The following GRM8 variants were observed in gnomAD, a reference collection of about 807,000 sequenced individuals.
GRM8 encodes glutamate metabotropic receptor 8.
A neutral mutation model predicts 87.2 loss-of-function variants in GRM8; 47 were observed. The observed-to-expected ratio is 0.54, with a 90% CI of 0.43 to 0.69. The LOEUF (loss-of-function observed/expected upper bound fraction) is 0.69, where lower values mean the gene tolerates loss of function less well. GRM8 is among the 30% of genes least tolerant of loss of function. GRM8 has a pLI of 0.00. For missense variants in GRM8, 1,019 were observed against 1,139.2 expected (o/e 0.89, Z 1.52); for synonymous variants, 396 against 404.5 (o/e 0.98, Z 0.25).
At chr7:126,970,642 T>C (rs1231393734) in intron 3 of GRM8, among the ~76,000 whole-genome samples, 1 of 152,204 alleles carries the variant, frequency 6.6e-6, no homozygotes, top group Non-Finnish European at 1.5e-5. Context: ...ATGTGTTCAC[T>C]GGAGTAGCAT....
intron 3 of GRM8, among the ~76,000 whole-genome samples, chr7:127,053,798 A>AGGC (rs1554580045): frequency 9.6e-6 from 1 of 104,400 alleles, no homozygotes; most frequent in Non-Finnish European, 1.8e-5. Flanking sequence ...AAAAAAAAAA[A>AGGC]GGGGGGGGGG....
intron 8 of GRM8, among the ~76,000 whole-genome samples, chr7:126,596,576 G>A (rs545819176): frequency 6.6e-6 from 1 of 152,278 alleles, no homozygotes; most frequent in East Asian, 1.9e-4. Context: ...ATTGGGGAGT[G>A]AGGCATATGG....
intron 2 of GRM8, among the ~76,000 whole-genome samples, chr7:127,196,538 A>C (rs1027191161): frequency 8.6e-5 from 13 of 151,560 alleles, no homozygotes; most frequent in African/African-American, 1.9e-4. Flanking sequence ...AACAAACAAA[A>C]AAAAAAACAA....
chr7:126,531,609 C>A (rs1327913678), intron 9 of GRM8, among the ~76,000 whole-genome samples: 1 of 152,210 alleles, frequency 6.6e-6, no homozygotes, highest in Non-Finnish European at 1.5e-5. Context: ...GGGGCCTCTA[C>A]AACTCTGCAA....
In GRM8 at chr7:126,904,545, C is replaced by T. The variant is rs780268043; in HGVS notation, c.863+3G>A. The T allele has an allele frequency of 6.2e-6, 10 of 1,612,664 alleles. No homozygotes were observed. The highest frequency in any genetic ancestry group is 1.7e-5 in the Admixed American group (1 of 59,988). On this transcript the variant is annotated splice_donor_region_variant and intron_variant, in intron 4 of 10. Coordinates refer to ENST00000339582, the MANE Select transcript of GRM8 (RefSeq NM_000845.3). ...CTACATACAGAAGAAAAGTAATCAG[C>T]ACCTGATGTCATCCTCATTGGCAAA...
chr7:127,152,384 A>G (rs1268542371), intron 2 of GRM8, among the ~76,000 whole-genome samples: 1 of 152,162 alleles, frequency 6.6e-6, no homozygotes, highest in Non-Finnish European at 1.5e-5. Context: ...AAAAGTGGCA[A>G]GACAGGGCAG....
intron 7 of GRM8, among the ~76,000 whole-genome samples, chr7:126,638,913 C>A (rs1447844038): frequency 6.6e-6 from 1 of 152,146 alleles, no homozygotes. Flanking sequence ...CTTCTGGGCA[C>A]CCCACTGCCA....
At chr7:127,045,095 A>G (rs1281418037) in intron 3 of GRM8, among the ~76,000 whole-genome samples, 1 of 152,154 alleles carries the variant, frequency 6.6e-6, no homozygotes, top group South Asian at 2.1e-4. Flanking sequence ...TATAAATATT[A>G]TAGAGTATTA....
At chr7:126,938,048 G>T (rs1299471406) in intron 3 of GRM8, among the ~76,000 whole-genome samples, 2 of 152,144 alleles carry the variant, frequency 1.3e-5, no homozygotes, top group Non-Finnish European at 2.9e-5. Flanking sequence ...CTCAGTAAGA[G>T]CCTACATTTC....
intron 2 of GRM8, among the ~76,000 whole-genome samples, chr7:127,110,142 T>A (rs1362520314): frequency 6.6e-6 from 1 of 152,192 alleles, no homozygotes; most frequent in East Asian, 1.9e-4. Flanking sequence ...CCCTGTAAGG[T>A]CTCCCCACTG....
At chr7:127,241,610 TC>T (rs1262943738) in intron 2 of GRM8, among the ~76,000 whole-genome samples, 3 of 151,986 alleles carry the variant, frequency 2.0e-5, no homozygotes, top group South Asian at 4.1e-4. Context: ...ATTTTTTGTA[TC>T]TTTTTAGTAG....
intron 8 of GRM8, among the ~76,000 whole-genome samples, chr7:126,551,544 C>T (rs542344942): frequency 6.6e-6 from 1 of 152,240 alleles, no homozygotes; most frequent in Non-Finnish European, 1.5e-5. Flanking sequence ...GCTGACCAAG[C>T]GCTGTGAGAT....
In GRM8 at chr7:126,687,096, G is replaced by A. The variant is rs146876627; in HGVS notation, c.1358-77598C>T. Among the ~76,000 whole-genome samples the A allele has an allele frequency of 4.9e-4, 75 of 152,232 alleles. No individual in the cohort carries two copies. In the Middle Eastern group the frequency reaches 0.01, roughly 21 times the overall value. ...TGAATTATTACAAAACAAGCACTGC[G>A]TGACCACCACACAGGTCAGGAGATG... On this transcript the variant is annotated intron_variant, in intron 7 of 10. Transcript: ENST00000339582.
intron 2 of GRM8, among the ~76,000 whole-genome samples, chr7:127,125,938 A>G (rs1827345005): frequency 6.6e-6 from 1 of 152,060 alleles, no homozygotes; most frequent in South Asian, 2.1e-4. Context: ...ATCATCTTAC[A>G]CTAGTCAGAA....
At chr7:127,053,805 G>GGGC (rs1185683530) in intron 3 of GRM8, among the ~76,000 whole-genome samples, 1 of 133,722 alleles carries the variant, frequency 7.5e-6, no homozygotes, top group Non-Finnish European at 1.6e-5. Context: ...AAAAGGGGGG[G>GGGC]GGGAATATAC....
chr7:126,851,628 A>G (rs184775010), intron 6 of GRM8, among the ~76,000 whole-genome samples: 11 of 152,090 alleles, frequency 7.2e-5, no homozygotes, highest in African/African-American at 2.7e-4. Flanking sequence ...TGCCCAGATG[A>G]CTGTTCAGGG....
At chr7:127,189,461 G>A (rs536287642) in intron 2 of GRM8, among the ~76,000 whole-genome samples, 1 of 152,070 alleles carries the variant, frequency 6.6e-6, no homozygotes, top group Non-Finnish European at 1.5e-5. Flanking sequence ...AGGACTGTAC[G>A]CCTAAATATT....
At chr7:126,544,574 G>A (rs548538418) in intron 8 of GRM8, among the ~76,000 whole-genome samples, 3 of 151,962 alleles carry the variant, frequency 2.0e-5, no homozygotes, top group East Asian at 3.9e-4. Flanking sequence ...GAGGTGACAC[G>A]ATCTCAGCTC....
At chr7:126,748,890 C>G (rs954256988) in intron 7 of GRM8, among the ~76,000 whole-genome samples, 1 of 151,980 alleles carries the variant, frequency 6.6e-6, no homozygotes, top group African/African-American at 2.4e-5. Context: ...CAATGGGAGA[C>G]AGTCTTTTCA....
Sources: gnomAD v4.1 joint callset for allele counts (sites outside exome capture counted in the v4.1 genomes callset) on GRCh38, gnomAD v4.1.1 for gene constraint, MANE v1.5 for transcripts, NCBI Gene and HGNC (gene_info 2026-07-23, HGNC 2026-07-21) for gene names.